UGGT1: variants seen among roughly 807,000 people sequenced by gnomAD.
The protein encoded by UGGT1 is UDP-glucose glycoprotein glucosyltransferase 1, also known as UDP-glucose:glycoprotein glucosyltransferase 1.
UGGT1 carries 107 observed loss-of-function variants against 203.9 expected under a neutral mutation model. The ratio of observed to expected loss-of-function variants is 0.52; its 90% confidence interval spans 0.45 to 0.62. UGGT1 has a LOEUF of 0.62. Among genes scored for constraint, UGGT1 ranks in the 20% least tolerant of loss-of-function variants. The probability of loss-of-function intolerance (pLI) is 0.00; values close to 1 mark genes in which losing one functional copy is unlikely to be tolerated. For synonymous variants in UGGT1, 628 were observed against 653.5 expected, an observed-to-expected ratio of 0.96 and a Z score of 0.59; for missense variants, 1,673 against 1,867.2, an observed-to-expected ratio of 0.90 and a Z score of 1.92.
chr2:128,111,794 C>T (rs1010037492), intron 5 of UGGT1, among the ~76,000 whole-genome samples: 10 of 151,592 alleles, frequency 6.6e-5, no homozygotes, highest in Non-Finnish European at 1.2e-4. Context: ...CACGACCGGC[C>T]TATACTTATA....
At chr2:128,105,134 C>T (rs1410323908) in intron 3 of UGGT1, among the ~76,000 whole-genome samples, 6 of 149,456 alleles carry the variant, frequency 4.0e-5, no homozygotes, top group Admixed American at 1.3e-4. Context: ...CCTCCCACCT[C>T]GGCCTCCTAA....
chr2:128,138,561 A>G (rs938315965), intron 15 of UGGT1, among the ~76,000 whole-genome samples, 156 bp from the exon 16 acceptor site: 1 of 152,124 alleles, frequency 6.6e-6, no homozygotes, highest in African/African-American at 2.4e-5. Flanking sequence ...ACCTTTGCCA[A>G]TCATGTTAGA....
At chr2:128,097,397 T>G (rs1687160067) in intron 1 of UGGT1, 32 bp from the exon 2 acceptor site, 1 of 1,585,918 alleles carries the variant, frequency 6.3e-7, no homozygotes, top group East Asian at 2.2e-5. Flanking sequence ...AATTTCCTTG[T>G]AGCAAAACTT....
At chr2:128,116,494 C>T (rs1277016233) in intron 8 of UGGT1, 151 bp downstream of exon 8, 2 of 537,344 alleles carry the variant, frequency 3.7e-6, no homozygotes, top group Non-Finnish European at 3.3e-6. Flanking sequence ...GGAGAGTCAA[C>T]CACTTAGTTT....
At position 128,193,826 on chromosome 2, in the gene UGGT1, A is replaced by G. The variant is rs1426824873; in HGVS notation, c.*4084A>G. The G allele has an allele frequency of 6.6e-6, 1 of 152,236 alleles. No individual in the cohort carries two copies. Among genetic ancestry groups the G allele is most frequent in the Non-Finnish European group, 1.5e-5 (1 of 68,078 alleles). 9.4% of individuals were successfully genotyped at this position (152,236 alleles called of 1,614,324 possible). On this transcript the variant is annotated 3_prime_UTR_variant, in exon 41 of 41. Transcript: ENST00000259253. The stretch of plus-strand genomic sequence containing the variant: ...CCCCGCCCTCCGGAAGTATATTTAG[A>G]TACTTGAAAGCAGTCCTTTTCTAAA...
chr2:128,094,069 A>G lies in UGGT1; in HGVS notation c.58+2654A>G, dbSNP rs377248869. On this transcript the variant is annotated intron_variant, in intron 1 of 40. Transcript: ENST00000259253. ...ACCCCCAATTTCCTCCCCACTCTAC[A>G]TGCCATCCACCTGGGGTTACAGTGC... 5.9e-5 allele frequency among the ~76,000 whole-genome samples: 9 copies of G among 152,124 alleles called. No individual in the cohort carries two copies. In the East Asian group the frequency reaches 7.7e-4, roughly 13 times the overall value.
intron 18 of UGGT1, among the ~76,000 whole-genome samples, chr2:128,151,543 A>G (rs1256996493): frequency 6.6e-6 from 1 of 152,186 alleles, no homozygotes; most frequent in Non-Finnish European, 1.5e-5. Context: ...TCCTTATTAA[A>G]TAGCTACAAA....
At chr2:128,109,034 G>C (rs1030747336) in intron 4 of UGGT1, among the ~76,000 whole-genome samples, 1 of 151,388 alleles carries the variant, frequency 6.6e-6, no homozygotes, top group Non-Finnish European at 1.5e-5. Context: ...CTGAGCTGGG[G>C]TAGCCTGCTA....
chr2:128,180,053 A>G (rs148193272), intron 35 of UGGT1, among the ~76,000 whole-genome samples, 183 bp downstream of exon 35: 5 of 152,326 alleles, frequency 3.3e-5, no homozygotes, highest in African/African-American at 1.2e-4. Context: ...AAACAGTTAA[A>G]TTGTGTTTAA....
chr2:128,173,258 C>T (rs1185860229), intron 29 of UGGT1, among the ~76,000 whole-genome samples: 3 of 152,208 alleles, frequency 2.0e-5, no homozygotes, highest in Non-Finnish European at 4.4e-5. Context: ...GGACATATCA[C>T]GTTTCATTTA....
At chr2:128,183,516 CTT>C (rs1691815532) in intron 37 of UGGT1, among the ~76,000 whole-genome samples, 157 bp from the exon 38 acceptor site, 1 of 152,220 alleles carries the variant, frequency 6.6e-6, no homozygotes, top group African/African-American at 2.4e-5. Flanking sequence ...TCTTAGAGAT[CTT>C]TAAAGTAGCA....
chr2:128,110,912 G>A (rs1396205959), intron 5 of UGGT1, among the ~76,000 whole-genome samples: 1 of 152,162 alleles, frequency 6.6e-6, no homozygotes. Context: ...TGGAGCATCT[G>A]TATTCATGTC....
At chr2:128,187,208 C>A in intron 39 of UGGT1, 1 of 385,550 alleles carries the variant, frequency 2.6e-6, no homozygotes, top group Non-Finnish European at 4.6e-6. Context: ...TATCTCTGTG[C>A]CTTGTAATTT....
At chr2:128,093,790 T>C (rs558411945) in intron 1 of UGGT1, among the ~76,000 whole-genome samples, 17 of 152,328 alleles carry the variant, frequency 1.1e-4, no homozygotes, top group African/African-American at 4.1e-4. Context: ...GTACTCAGCA[T>C]CTTCGAGCTT....
rs1692417465 is a variant in UGGT1 at position 128,194,337 on chromosome 2, G to T, written c.*4595G>T. On this transcript the variant is annotated 3_prime_UTR_variant, in exon 41 of 41. Transcript: ENST00000259253. ...AGTGGAGTGCAGTGGCACAATCTCA[G>T]CTCACTGCAGCCTCTGCCTCCCGGG... The T allele has an allele frequency of 6.6e-6, 1 of 151,632 alleles. No homozygotes were observed. Among genetic ancestry groups the T allele is most frequent in the East Asian group, 1.9e-4 (1 of 5,170 alleles). 9.4% of individuals were successfully genotyped at this position (151,632 alleles called of 1,614,324 possible).
chr2:128,188,324 G>T (rs560477729), intron 40 of UGGT1, among the ~76,000 whole-genome samples: 99 of 152,200 alleles, frequency 6.5e-4, no homozygotes, highest in African/African-American at 2.2e-3. Flanking sequence ...GATTACAGAC[G>T]TGAGGCACTG....
At chr2:128,112,468 A>ATATG (rs1687911603) in intron 5 of UGGT1, among the ~76,000 whole-genome samples, 1 of 126,886 alleles carries the variant, frequency 7.9e-6, no homozygotes, top group Non-Finnish European at 1.7e-5. Context: ...ATATATATAT[A>ATATG]TATATTACAT....
intron 13 of UGGT1, among the ~76,000 whole-genome samples, chr2:128,132,289 T>A (rs1688916063): frequency 6.6e-6 from 1 of 152,034 alleles, no homozygotes; most frequent in Non-Finnish European, 1.5e-5. Context: ...GGCTCACACC[T>A]GTAATCCCAG....
chr2:128,183,561 C>T, intron 37 of UGGT1, 114 bp from the exon 38 acceptor site: 2 of 723,792 alleles, frequency 2.8e-6, no homozygotes, highest in East Asian at 5.4e-5. Flanking sequence ...TGTAGCATAC[C>T]TTTTCAAAGA....
Sources: allele counts gnomAD v4.1 joint callset (sites outside exome capture counted in the v4.1 genomes callset), GRCh38; gene constraint gnomAD v4.1.1; transcripts MANE v1.5; gene names NCBI Gene and HGNC (gene_info 2026-07-23, HGNC 2026-07-21).